The following SBF2 variants were observed in gnomAD, a reference collection of about 807,000 sequenced individuals.
The protein encoded by SBF2 is SET binding factor 2, also known as myotubularin-related protein 13.
Under a neutral mutation model 225.2 loss-of-function variants are expected in SBF2, and 112 were observed. The ratio of observed to expected loss-of-function variants is 0.50; its 90% CI spans 0.43 to 0.58. The LOEUF is 0.58. SBF2 is among the 20% of genes least tolerant of loss of function. The probability of loss-of-function intolerance (pLI) is 0.00; values close to 1 mark genes in which losing one functional copy is unlikely to be tolerated. For synonymous variants in SBF2, 763 were observed against 773.3 expected (o/e 0.99, Z 0.22); for missense variants, 1,996 against 2,206.2 (o/e 0.90, Z 1.91).
chr11:10,127,643 A>G, intron 2 of SBF2, among the ~76,000 whole-genome samples: 1 of 152,176 alleles, frequency 6.6e-6, no homozygotes, highest in East Asian at 1.9e-4. Context: ...TACACTTTTT[A>G]GAATTTTATC....
chr11:9,959,757 G>GT (rs1866436936), intron 16 of SBF2: 1 of 653,740 alleles, frequency 1.5e-6, no homozygotes, highest in African/African-American at 1.8e-5. Flanking sequence ...TGACGCCTCT[G>GT]TTTAAGTGGG....
intron 1 of SBF2, among the ~76,000 whole-genome samples, chr11:10,288,312 G>A (rs1963932530): frequency 6.6e-6 from 1 of 152,204 alleles, no homozygotes; most frequent in South Asian, 2.1e-4. Flanking sequence ...AATGGAGGGT[G>A]AGCAAGACAA....
At chr11:9,834,803 T>C (rs1177912862) in intron 26 of SBF2, among the ~76,000 whole-genome samples, 2 of 152,202 alleles carry the variant, frequency 1.3e-5, no homozygotes, top group African/African-American at 4.8e-5. Flanking sequence ...AGGGAAATAA[T>C]GTTTAATGGT....
intron 1 of SBF2, among the ~76,000 whole-genome samples, chr11:10,199,015 G>A (rs1333758579): frequency 6.6e-6 from 1 of 152,098 alleles, no homozygotes; most frequent in African/African-American, 2.4e-5. Context: ...TCACAACTTG[G>A]CTGTTTGGTA....
intron 30 of SBF2, 24 bp downstream of exon 30, chr11:9,812,505 AAAG>A: frequency 6.2e-7 from 1 of 1,613,356 alleles, no homozygotes; most frequent in Non-Finnish European, 8.5e-7. Context: ...TTTGAGTTAT[AAAG>A]AAAGAAGCTG....
At chr11:10,259,023 TG>T (rs1467518552) in intron 1 of SBF2, among the ~76,000 whole-genome samples, 1 of 152,216 alleles carries the variant, frequency 6.6e-6, no homozygotes. Flanking sequence ...TTGTAGCTCC[TG>T]GGAACCTAGT....
chr11:9,804,513 T>C (rs1853678807), intron 32 of SBF2, among the ~76,000 whole-genome samples: 1 of 152,234 alleles, frequency 6.6e-6, no homozygotes, highest in Non-Finnish European at 1.5e-5. Context: ...TTGGTCACTG[T>C]ACACAGTTGT....
intron 6 of SBF2, among the ~76,000 whole-genome samples, chr11:10,027,647 G>T (rs1241816620): frequency 1.3e-5 from 2 of 152,146 alleles, no homozygotes; most frequent in African/African-American, 2.4e-5. Flanking sequence ...CAAGTCAGAG[G>T]TAACGTAAAT....
In SBF2 at chr11:10,303,837, T is replaced by A. The variant is rs1422135029; in HGVS notation, n.386+655A>T. ...CCCAGTTTGGCCCCCAGGAGAGAAG[T>A]AAGAAAGAGAAGAAGCTGTGATGAA... On this transcript the variant is annotated intron_variant and non_coding_transcript_variant, in intron 1 of 5. Transcript: ENST00000685217. This position sits in a 1 kb window ranked among gnomAD's most constrained non-coding sequence, Gnocchi z 5.2. 1 of 152,164 alleles carries A rather than the reference T, an allele frequency of 6.6e-6. No individual in the cohort carries two copies. Among genetic ancestry groups the A allele is most frequent in the African/African-American group, 2.4e-5 (1 of 41,386 alleles). The allele number at this position is 152,164 out of a possible 1,614,324, so 9.4% of individuals were successfully genotyped here.
intron 17 of SBF2, among the ~76,000 whole-genome samples, chr11:9,871,266 C>G (rs1858711244): frequency 6.6e-6 from 1 of 151,602 alleles, no homozygotes. Context: ...GATCTAATAT[C>G]CAGAGTCTAC....
At chr11:10,131,508 A>G (rs536790297) in intron 2 of SBF2, among the ~76,000 whole-genome samples, 1 of 152,266 alleles carries the variant, frequency 6.6e-6, no homozygotes, top group East Asian at 1.9e-4. Flanking sequence ...ACCTTGGCTC[A>G]CTGCAACCTC....
chr11:10,141,895 C>T (rs897511068), intron 2 of SBF2, among the ~76,000 whole-genome samples: 2 of 152,140 alleles, frequency 1.3e-5, no homozygotes, highest in African/African-American at 4.8e-5. Flanking sequence ...TCAAATCTGA[C>T]TTCGTAGAGC....
chr11:9,940,562 T>C (rs1223712627), intron 16 of SBF2, among the ~76,000 whole-genome samples: 5 of 152,196 alleles, frequency 3.3e-5, no homozygotes, highest in Admixed American at 3.3e-4. Context: ...GAAATAAAAA[T>C]ATTACTATTT....
chr11:9,795,017 C>G (rs568325658), intron 33 of SBF2, among the ~76,000 whole-genome samples: 1 of 152,208 alleles, frequency 6.6e-6, no homozygotes, highest in Non-Finnish European at 1.5e-5. Context: ...CTTTGTGGTA[C>G]TGAGTGCATA....
At chr11:10,045,317 G>A (rs952514621) in intron 2 of SBF2, among the ~76,000 whole-genome samples, 32 of 151,946 alleles carry the variant, frequency 2.1e-4, no homozygotes, top group African/African-American at 6.5e-4. Context: ...ACAGGTGCCC[G>A]CCATCATGCC....
chr11:10,070,635 A>G (rs1950827125), intron 2 of SBF2, among the ~76,000 whole-genome samples: 1 of 152,156 alleles, frequency 6.6e-6, no homozygotes, highest in African/African-American at 2.4e-5. Context: ...TTGTCTTGGC[A>G]ATGTGGGCTC....
chr11:9,902,217 C>G (rs1216480812), intron 16 of SBF2, among the ~76,000 whole-genome samples: 1 of 152,160 alleles, frequency 6.6e-6, no homozygotes, highest in African/African-American at 2.4e-5. Flanking sequence ...ACCATCTATT[C>G]TCTCTGAGGG....
chr11:9,942,666 C>T (rs1437039239), intron 16 of SBF2, among the ~76,000 whole-genome samples: 1 of 151,852 alleles, frequency 6.6e-6, no homozygotes, highest in Non-Finnish European at 1.5e-5. Flanking sequence ...CCTGTCTCTA[C>T]TAAAAATACA....
Position 9,829,379 on chromosome 11 carries a change from C to T in SBF2, c.3770G>A (p.Arg1257Lys), listed in dbSNP as rs775982886. 4.3e-6 allele frequency: 7 copies of T among 1,614,020 alleles called. No individual in the cohort carries two copies. The African/African-American group carries it at 6.7e-5, about 15-fold the overall frequency. Reference protein sequence around the residue: ...KLRGNSTLTVRPAFALSPGVW... With the variant: ...KLRGNSTLTVKPAFALSPGVW... ...ACCTGGAGATAGAGCAAAGGCTGGC[C>T]TGACAGTAAGAGTGCTGTTGCCTCT... The change falls in exon 28 of 40, where the codon AGG (arginine) becomes AAG (lysine). Residue 1257 changes from arginine to lysine, a missense_variant. Transcript: ENST00000256190.
Sources: allele counts gnomAD v4.1 joint callset (sites outside exome capture counted in the v4.1 genomes callset), GRCh38; gene constraint gnomAD v4.1.1; non-coding constraint Gnocchi (gnomAD v3.1); transcripts MANE v1.5; gene names NCBI Gene and HGNC (gene_info 2026-07-23, HGNC 2026-07-21).